The following KLHL1 variants were observed in gnomAD, a reference collection of about 807,000 sequenced individuals.
KLHL1 encodes the protein kelch like family member 1.
A neutral mutation model predicts 77.7 loss-of-function variants in KLHL1; 47 were observed. That is an observed-to-expected ratio of 0.60 (90% CI 0.48 to 0.77). KLHL1 has a LOEUF of 0.77. KLHL1 is among the 30% of genes least tolerant of loss of function. KLHL1 has a pLI of 0.00. For missense variants in KLHL1, 925 were observed against 910.8 expected, an observed-to-expected ratio of 1.02 and a Z score of -0.20; for synonymous variants, 360 against 325.2, an observed-to-expected ratio of 1.11 and a Z score of -1.15.
intron 7 of KLHL1, among the ~76,000 whole-genome samples, chr13:69,787,965 T>C (rs1876648306): frequency 1.3e-5 from 2 of 152,230 alleles, no homozygotes; most frequent in South Asian, 4.1e-4. Flanking sequence ...AGATACCATC[T>C]CACACCAGTT....
intron 4 of KLHL1, among the ~76,000 whole-genome samples, chr13:69,905,819 A>C (rs1467439078): frequency 6.6e-6 from 1 of 152,092 alleles, no homozygotes; most frequent in African/African-American, 2.4e-5. Flanking sequence ...GTTTATGCTC[A>C]GGATCACACG....
intron 1 of KLHL1, among the ~76,000 whole-genome samples, chr13:70,013,005 T>C (rs1885575331): frequency 6.6e-6 from 1 of 152,176 alleles, no homozygotes; most frequent in Non-Finnish European, 1.5e-5. Flanking sequence ...TCAATTCAAG[T>C]AGTATTTTCA....
chr13:69,730,007 A>G (rs886925961), intron 8 of KLHL1, among the ~76,000 whole-genome samples: 1 of 151,982 alleles, frequency 6.6e-6, no homozygotes, highest in Non-Finnish European at 1.5e-5. Context: ...TAATCTGAAT[A>G]GTGATTTCTA....
chr13:70,052,655 CCT>C (rs1178108329), intron 1 of KLHL1, among the ~76,000 whole-genome samples: 1 of 151,528 alleles, frequency 6.6e-6, no homozygotes, highest in East Asian at 1.9e-4. Context: ...TTAAAAATAA[CCT>C]CTTTATTTCC....
chr13:69,741,964 G>T (rs945428134), intron 7 of KLHL1, among the ~76,000 whole-genome samples: 1 of 152,070 alleles, frequency 6.6e-6, no homozygotes, highest in South Asian at 2.1e-4. Flanking sequence ...TTTGAGTAAG[G>T]CCAATTAGCA....
intron 1 of KLHL1, among the ~76,000 whole-genome samples, chr13:70,031,908 A>G (rs1886110846): frequency 6.6e-6 from 1 of 152,186 alleles, no homozygotes; most frequent in South Asian, 2.1e-4. Context: ...CAAGTGAACT[A>G]TTATGAGTCA....
Position 70,107,979 on chromosome 13 carries a change from G to A in KLHL1, c.-280C>T. The A allele has an allele frequency of 2.3e-6, 1 of 444,254 alleles. No homozygotes were observed. Among genetic ancestry groups the A allele is most frequent in the South Asian group, 6.6e-5 (1 of 15,122 alleles). The allele number at this position is 444,254 out of a possible 1,614,324, so 27.5% of individuals were successfully genotyped here. A position where few individuals can be genotyped will look rare whatever the true frequency, so the allele number is the denominator to read the frequency against. On this transcript the variant is annotated 5_prime_UTR_variant, in exon 1 of 11. Transcript: ENST00000377844. ...GCAGGACTGGGACGCCAAAAGCTGA[G>A]AATCCTCGATGCCCGCGCGAGAGCC...
intron 4 of KLHL1, among the ~76,000 whole-genome samples, chr13:69,921,915 T>C (rs933520777): frequency 6.8e-6 from 1 of 146,072 alleles, no homozygotes; most frequent in Non-Finnish European, 1.5e-5. Flanking sequence ...TTTTGTTGAA[T>C]GATTGATTTT....
intron 9 of KLHL1, among the ~76,000 whole-genome samples, chr13:69,717,091 A>G (rs1033284444): frequency 5.3e-5 from 8 of 152,146 alleles, no homozygotes; most frequent in African/African-American, 1.9e-4. Flanking sequence ...CTGAGTGCAA[A>G]CAATTTTTGA....
chr13:70,083,721 GAATT>G (rs1482020867), intron 1 of KLHL1, among the ~76,000 whole-genome samples: 3 of 151,930 alleles, frequency 2.0e-5, no homozygotes, highest in Non-Finnish European at 4.4e-5. Flanking sequence ...AATTATATAC[GAATT>G]AATATTTACA....
intron 1 of KLHL1, among the ~76,000 whole-genome samples, chr13:70,022,637 C>T (rs913148875): frequency 6.6e-6 from 1 of 151,874 alleles, no homozygotes; most frequent in African/African-American, 2.4e-5. Context: ...TATAATCCAA[C>T]TACACAATAC....
intron 7 of KLHL1, among the ~76,000 whole-genome samples, chr13:69,781,389 T>G (rs569021504): frequency 6.6e-6 from 1 of 151,832 alleles, no homozygotes; most frequent in South Asian, 2.1e-4. Flanking sequence ...TGAAAATGTC[T>G]TTTTGTTTCT....
At chr13:70,022,934 A>T (rs1885840911) in intron 1 of KLHL1, among the ~76,000 whole-genome samples, 2 of 152,090 alleles carry the variant, frequency 1.3e-5, no homozygotes, top group African/African-American at 4.8e-5. Context: ...ATACATTGCA[A>T]AGCCCAGAAC....
intron 8 of KLHL1, among the ~76,000 whole-genome samples, chr13:69,721,385 C>A (rs1186914735): frequency 2.0e-5 from 3 of 151,432 alleles, no homozygotes; most frequent in Non-Finnish European, 4.4e-5. Flanking sequence ...ACCTTTGGCA[C>A]ACATTGTCAG....
chr13:70,069,363 A>G (rs904333960), intron 1 of KLHL1, among the ~76,000 whole-genome samples: 1 of 152,240 alleles, frequency 6.6e-6, no homozygotes, highest in African/African-American at 2.4e-5. Flanking sequence ...AATAGTAAAC[A>G]CATATCAACT....
chr13:69,926,100 G>T (rs534988234), intron 4 of KLHL1, among the ~76,000 whole-genome samples: 5 of 151,986 alleles, frequency 3.3e-5, no homozygotes. Flanking sequence ...CCCAATAAAC[G>T]TTTCTAGTTT....
chr13:69,719,798 A>C (rs1428666400), intron 8 of KLHL1, among the ~76,000 whole-genome samples: 2 of 152,010 alleles, frequency 1.3e-5, no homozygotes, highest in African/African-American at 4.8e-5. Flanking sequence ...GATGAAATTA[A>C]GACAACTATA....
chr13:69,813,774 C>T (rs1325870799), intron 6 of KLHL1, among the ~76,000 whole-genome samples: 3 of 152,074 alleles, frequency 2.0e-5, no homozygotes, highest in Admixed American at 6.6e-5. Flanking sequence ...AAAAACATTC[C>T]ATGCTCATGG....
At chr13:70,036,988 G>A (rs1371584922) in intron 1 of KLHL1, among the ~76,000 whole-genome samples, 1 of 151,676 alleles carries the variant, frequency 6.6e-6, no homozygotes, top group African/African-American at 2.4e-5. Flanking sequence ...GACCAGAGAA[G>A]AACCTTAGAA....
Sources: gnomAD v4.1 joint callset for allele counts (sites outside exome capture counted in the v4.1 genomes callset) on GRCh38, gnomAD v4.1.1 for gene constraint, MANE v1.5 for transcripts, NCBI Gene and HGNC (gene_info 2026-07-23, HGNC 2026-07-21) for gene names.